PLCG2: variants seen among roughly 807,000 people sequenced by gnomAD.
PLCG2 encodes 1-phosphatidylinositol 4,5-bisphosphate phosphodiesterase gamma-2.
A neutral mutation model predicts 175.6 loss-of-function variants in PLCG2; 69 were observed. The observed-to-expected ratio is 0.39, with a 90% CI of 0.32 to 0.48. PLCG2 has a LOEUF of 0.48. PLCG2 is among the 20% of genes least tolerant of loss of function. The probability of loss-of-function intolerance (pLI) is 0.91; values close to 1 mark genes in which losing one functional copy is unlikely to be tolerated. For missense variants in PLCG2, 1,798 were observed against 1,650.9 expected (o/e 1.09, Z -1.54); for synonymous variants, 827 against 624.0 (o/e 1.33, Z -4.85).
At chr16:81,926,107 C>T (rs1910261699) in intron 22 of PLCG2, among the ~76,000 whole-genome samples, 1 of 152,102 alleles carries the variant, frequency 6.6e-6, no homozygotes, top group Non-Finnish European at 1.5e-5. Flanking sequence ...AGTTGGGTAC[C>T]AAGGGCATGG....
chr16:81,753,748 A>ACAGATGCCACAGCCACTAATG (rs1166833119), intron 1 of PLCG2, among the ~76,000 whole-genome samples: 7 of 152,182 alleles, frequency 4.6e-5, no homozygotes, highest in Non-Finnish European at 1.0e-4. Flanking sequence ...CCAGGAGGTG[A>ACAGATGCCACAGCCACTAATG]CAGATGCCAC....
At chr16:81,812,358 C>T (rs1336319189) in intron 2 of PLCG2, among the ~76,000 whole-genome samples, 2 of 152,130 alleles carry the variant, frequency 1.3e-5, no homozygotes, top group Non-Finnish European at 2.9e-5. Flanking sequence ...CTGTTGTTTA[C>T]TGACTTTTTA....
intron 7 of PLCG2, among the ~76,000 whole-genome samples, chr16:81,873,839 A>T (rs1334232189): frequency 6.6e-6 from 1 of 152,188 alleles, no homozygotes; most frequent in Non-Finnish European, 1.5e-5. Context: ...AGATTAACCC[A>T]TTCATTGATG....
At chr16:81,861,422 G>A (rs1361334218) in intron 5 of PLCG2, among the ~76,000 whole-genome samples, 4 of 152,184 alleles carry the variant, frequency 2.6e-5, no homozygotes, top group Admixed American at 2.0e-4. Flanking sequence ...CATGCCCGAT[G>A]GGAGGATTTG....
chr16:81,745,133 T>A (rs1461494352), intron 1 of PLCG2, among the ~76,000 whole-genome samples: 1 of 152,188 alleles, frequency 6.6e-6, no homozygotes, highest in Non-Finnish European at 1.5e-5. Flanking sequence ...TGCATCCAGG[T>A]CACTGCAGGG....
chr16:81,934,583 C>G lies in PLCG2; in HGVS notation c.2842+52C>G, dbSNP rs909346979. On this transcript the variant is annotated intron_variant, in intron 26 of 32. Coordinates refer to ENST00000564138, the MANE Select transcript of PLCG2 (RefSeq NM_002661.5). ...TATAACTCCAATGAAAACTTAACTT[C>G]CTTTAGAGTCTGATATTTTCAGAGG... The G allele has an allele frequency of 6.6e-6, 7 of 1,059,178 alleles. No individual in the cohort carries two copies. In the African/African-American group the frequency reaches 1.1e-4, roughly 16 times the overall value. The allele number at this position is 1,059,178 out of a possible 1,614,324, so 65.6% of individuals were successfully genotyped here. A position where few individuals can be genotyped will look rare whatever the true frequency, so the allele number is the denominator to read the frequency against.
At chr16:81,937,488 G>T in intron 27 of PLCG2, 1 of 307,178 alleles carries the variant, frequency 3.3e-6, no homozygotes. Context: ...AATTGCCTAT[G>T]CAATTTATTG....
chr16:81,847,853 CA>C (rs758762534), intron 2 of PLCG2, among the ~76,000 whole-genome samples: 28 of 152,114 alleles, frequency 1.8e-4, no homozygotes, highest in Non-Finnish European at 3.1e-4. Flanking sequence ...CATTTTTTAT[CA>C]GAGGCTTGAG....
intron 2 of PLCG2, among the ~76,000 whole-genome samples, chr16:81,804,826 T>A (rs1911919036): frequency 6.6e-6 from 1 of 152,236 alleles, no homozygotes; most frequent in Non-Finnish European, 1.5e-5. Flanking sequence ...TGGGAAGTGC[T>A]GCTGGCACCA....
chr16:81,883,164 A>T lies in PLCG2; in HGVS notation c.693-105A>T, dbSNP rs1199740178. The T allele has an allele frequency of 5.5e-6, 5 of 903,066 alleles. No individual in the cohort carries two copies. In the East Asian group the frequency reaches 1.2e-4, roughly 22 times the overall value. 55.9% of individuals were successfully genotyped at this position (903,066 alleles called of 1,614,324 possible). A position where few individuals can be genotyped will look rare whatever the true frequency, so the allele number is the denominator to read the frequency against. On this transcript the variant is annotated intron_variant, in intron 8 of 32. Coordinates refer to ENST00000564138, the MANE Select transcript of PLCG2 (RefSeq NM_002661.5). ...TGGTACCTAACACAGTGCCAGACTA[A>T]GTGGGGCGTTCTGGGTGGCAGGCTG...
chr16:81,744,034 A>G (rs1909652984), intron 1 of PLCG2, among the ~76,000 whole-genome samples: 1 of 149,254 alleles, frequency 6.7e-6, no homozygotes, highest in Admixed American at 6.7e-5. Context: ...AATTTTTTGT[A>G]TTTTTAGTAA....
chr16:81,864,281 T>G (rs992438223), intron 5 of PLCG2, among the ~76,000 whole-genome samples: 4 of 152,212 alleles, frequency 2.6e-5, no homozygotes, highest in African/African-American at 9.6e-5. Flanking sequence ...AGCAGAACTC[T>G]GGGGCTGCGC....
At chr16:81,942,288 A>G (rs1444129345) in intron 30 of PLCG2, among the ~76,000 whole-genome samples, 1 of 152,194 alleles carries the variant, frequency 6.6e-6, no homozygotes, top group Non-Finnish European at 1.5e-5. Flanking sequence ...AAGTGTGTCA[A>G]TTCATCTGCA....
chr16:81,781,992 C>G (rs548308855), intron 1 of PLCG2, among the ~76,000 whole-genome samples: 3 of 152,078 alleles, frequency 2.0e-5, no homozygotes, highest in Admixed American at 1.3e-4. Flanking sequence ...CTGCCTCAGC[C>G]TCACGAGTAG....
At chr16:81,830,158 A>C (rs761023385) in intron 2 of PLCG2, among the ~76,000 whole-genome samples, 1 of 152,024 alleles carries the variant, frequency 6.6e-6, no homozygotes, top group Non-Finnish European at 1.5e-5. Flanking sequence ...TGTCTCTACA[A>C]AAAGTACAAA....
Position 81,959,047 on chromosome 16 carries a change from T to C in PLCG2, c.*1049T>C. ...GTGCGGCTGGCCAGGGCTTTACACC[T>C]CTGCATCTTAAGTTGTTAATACATA... On this transcript the variant is annotated 3_prime_UTR_variant, in exon 33 of 33. Transcript: ENST00000564138. The C allele has an allele frequency of 4.5e-6, 1 of 223,046 alleles. No individual in the cohort carries two copies. Among genetic ancestry groups the C allele is most frequent in the Non-Finnish European group, 9.0e-6 (1 of 111,600 alleles). 13.8% of individuals were successfully genotyped at this position (223,046 alleles called of 1,614,324 possible).
rs137998840 is a variant in PLCG2, at chr16:81,961,713, T to G, written c.*3715T>G. ...TAAAATTTTTAAAAAGATCATAGTA[T>G]CTATCAAATAACTTATATTAAGAAC... is the stretch of plus-strand genomic sequence containing the variant. On this transcript the variant is annotated 3_prime_UTR_variant, in exon 33 of 33. Transcript: ENST00000564138. 4.8e-6 allele frequency: 1 copy of G among 207,654 alleles called. No individual in the cohort carries two copies. The highest frequency in any genetic ancestry group is 9.8e-6 in the Non-Finnish European group (1 of 102,044). The allele number at this position is 207,654 out of a possible 1,614,324, so 12.9% of individuals were successfully genotyped here.
At chr16:81,816,476 CATT>C (rs948059759) in intron 2 of PLCG2, among the ~76,000 whole-genome samples, 9 of 79,666 alleles carry the variant, frequency 1.1e-4, no homozygotes, top group African/African-American at 4.3e-4. Flanking sequence ...CCTTTTCCCT[CATT>C]ATAATTTTTT....
At chr16:81,888,695 A>T (rs1322231165) in intron 9 of PLCG2, among the ~76,000 whole-genome samples, 1 of 152,194 alleles carries the variant, frequency 6.6e-6, no homozygotes, top group Non-Finnish European at 1.5e-5. Context: ...TGAGATGCCA[A>T]CCCAGGTAAG....
Sources: gnomAD v4.1 joint callset for allele counts (sites outside exome capture counted in the v4.1 genomes callset) on GRCh38, gnomAD v4.1.1 for gene constraint, MANE v1.5 for transcripts, NCBI Gene and HGNC (gene_info 2026-07-23, HGNC 2026-07-21) for gene names.